B4GALNT3: variants seen among roughly 807,000 people sequenced by gnomAD.
B4GALNT3 encodes the protein beta-1,4-N-acetylgalactosaminyltransferase 3.
B4GALNT3 carries 86 observed loss-of-function variants against 120.2 expected under a neutral mutation model. The ratio of observed to expected loss-of-function variants is 0.72; its 90% CI spans 0.60 to 0.86. The LOEUF (loss-of-function observed/expected upper bound fraction) is 0.86, where lower values mean the gene tolerates loss of function less well. Among genes scored for constraint, B4GALNT3 ranks in the 40% least tolerant of loss-of-function variants. The pLI is 0.00. For synonymous variants in B4GALNT3, 518 were observed against 510.4 expected, an observed-to-expected ratio of 1.01 and a Z score of -0.20; for missense variants, 1,167 against 1,298.9, an observed-to-expected ratio of 0.90 and a Z score of 1.56.
intron 1 of B4GALNT3, among the ~76,000 whole-genome samples, chr12:515,845 A>G (rs1486504987): frequency 6.6e-6 from 1 of 152,090 alleles, no homozygotes; most frequent in Non-Finnish European, 1.5e-5. Context: ...GTAGACAAAA[A>G]TCCTGCTTTC....
chr12:529,665 A>G (rs910454470), intron 1 of B4GALNT3, among the ~76,000 whole-genome samples: 1 of 152,260 alleles, frequency 6.6e-6, no homozygotes, highest in Non-Finnish European at 1.5e-5. Flanking sequence ...AGTGCCTTGT[A>G]TATGATAAGC....
In B4GALNT3 at chr12:460,801, C is replaced by T. The variant is rs1946014226; in HGVS notation, c.169+256C>T. Among the ~76,000 whole-genome samples the T allele has an allele frequency of 6.6e-6, 1 of 152,066 alleles. No individual in the cohort carries two copies. Among genetic ancestry groups the T allele is most frequent in the Non-Finnish European group, 1.5e-5 (1 of 67,982 alleles). On this transcript the variant is annotated intron_variant, in intron 1 of 19. Transcript: ENST00000266383. The surrounding 1 kb of genome is among the most constrained non-coding windows in gnomAD (Gnocchi z 8.0). ...GGGGCACCCTGGGGGCTCCTCGCGT[C>T]TCCCCTCGGAGAGCGACCCGGAGAG...
At chr12:496,280 T>A (rs1946386586) in intron 1 of B4GALNT3, among the ~76,000 whole-genome samples, 1 of 152,088 alleles carries the variant, frequency 6.6e-6, no homozygotes, top group South Asian at 2.1e-4. Flanking sequence ...AAAAAAAAAA[T>A]TGAGCTGGAT....
chr12:539,612 T>C (rs1946895508), intron 3 of B4GALNT3, among the ~76,000 whole-genome samples: 1 of 151,972 alleles, frequency 6.6e-6, no homozygotes, highest in Non-Finnish European at 1.5e-5. Context: ...ATACACTTCG[T>C]TTAAAGTGTA....
intron 1 of B4GALNT3, among the ~76,000 whole-genome samples, chr12:461,172 C>A (rs1418937659): frequency 6.6e-6 from 1 of 152,014 alleles, no homozygotes; most frequent in Non-Finnish European, 1.5e-5. Context: ...CTCCTCGCTG[C>A]GCCCTCTTTC....
At chr12:521,536 G>C (rs1243008023) in intron 1 of B4GALNT3, among the ~76,000 whole-genome samples, 1 of 152,166 alleles carries the variant, frequency 6.6e-6, no homozygotes, top group East Asian at 1.9e-4. Context: ...GGAGAGGCAG[G>C]CCATGATGGT....
chr12:482,555 T>C (rs962794019), intron 1 of B4GALNT3, among the ~76,000 whole-genome samples: 20 of 152,220 alleles, frequency 1.3e-4, no homozygotes, highest in African/African-American at 4.6e-4. Context: ...ATTTGGAGGA[T>C]ACAATGATGA....
rs1209447139 is a variant in B4GALNT3 at position 548,321 on chromosome 12, T to G, written c.853+24T>G. On this transcript the variant is annotated intron_variant, in intron 9 of 19. Transcript: ENST00000266383. The surrounding 1 kb of genome is among the most constrained non-coding windows in gnomAD (Gnocchi z 4.9). Reference sequence around the variant, plus strand: ...AAGTGAGTAGGCTCTGGCCCTGCCCTGGAGATGGAGGCCAGGTGGGGACAG... The same window carrying G: ...AAGTGAGTAGGCTCTGGCCCTGCCCGGGAGATGGAGGCCAGGTGGGGACAG... 1 of 1,608,798 alleles carries G rather than the reference T, an allele frequency of 6.2e-7. No homozygotes were observed. Among genetic ancestry groups the G allele is most frequent in the Non-Finnish European group, 8.5e-7 (1 of 1,175,308 alleles).
At chr12:465,271 T>C (rs1946065648) in intron 1 of B4GALNT3, among the ~76,000 whole-genome samples, 1 of 152,180 alleles carries the variant, frequency 6.6e-6, no homozygotes, top group African/African-American at 2.4e-5. Flanking sequence ...CAGGCTACTA[T>C]GTGTGTCTTC....
chr12:475,202 T>C (rs1199396420), intron 1 of B4GALNT3, among the ~76,000 whole-genome samples: 1 of 152,216 alleles, frequency 6.6e-6, no homozygotes, highest in African/African-American at 2.4e-5. Context: ...GCTCGTCTCC[T>C]GTATATTTTG....
chr12:536,855 C>G (rs1946865909), intron 3 of B4GALNT3, among the ~76,000 whole-genome samples: 1 of 152,232 alleles, frequency 6.6e-6, no homozygotes, highest in Non-Finnish European at 1.5e-5. Context: ...ACAAGACTTT[C>G]ATGGCCATGC....
intron 1 of B4GALNT3, among the ~76,000 whole-genome samples, chr12:486,603 C>T (rs1395047132): frequency 6.6e-6 from 1 of 152,182 alleles, no homozygotes; most frequent in East Asian, 1.9e-4. Flanking sequence ...AAATACCCAA[C>T]ACCAGCCCCT....
chr12:512,292 T>C (rs1247051162), intron 1 of B4GALNT3, among the ~76,000 whole-genome samples: 1 of 95,080 alleles, frequency 1.1e-5, no homozygotes, highest in Non-Finnish European at 1.8e-5. Context: ...ACCTTCCACC[T>C]TCTTCCACCT....
At chr12:528,174 A>T (rs950241774) in intron 1 of B4GALNT3, among the ~76,000 whole-genome samples, 2 of 152,158 alleles carry the variant, frequency 1.3e-5, no homozygotes, top group African/African-American at 4.8e-5. Flanking sequence ...CAAGAATTTT[A>T]ACCTCTAAGC....
intron 1 of B4GALNT3, among the ~76,000 whole-genome samples, chr12:480,622 C>T (rs1946233231): frequency 6.6e-6 from 1 of 152,130 alleles, no homozygotes; most frequent in Non-Finnish European, 1.5e-5. Flanking sequence ...CTATTGGTGA[C>T]CTCGCCTTCT....
At chr12:526,607 CTG>C (rs1291115293) in intron 1 of B4GALNT3, among the ~76,000 whole-genome samples, 2 of 152,212 alleles carry the variant, frequency 1.3e-5, no homozygotes, top group African/African-American at 4.8e-5. Context: ...CTTCACAGGA[CTG>C]TGTTTGTCGC....
At chr12:462,188 C>A (rs926576438) in intron 1 of B4GALNT3, among the ~76,000 whole-genome samples, 4 of 152,086 alleles carry the variant, frequency 2.6e-5, no homozygotes, top group Non-Finnish European at 5.9e-5. Context: ...TGGATGAGCT[C>A]CTTTGGAGTG....
At chr12:502,145 T>A (rs1257303290) in intron 1 of B4GALNT3, among the ~76,000 whole-genome samples, 3 of 152,138 alleles carry the variant, frequency 2.0e-5, no homozygotes, top group Admixed American at 6.6e-5. Flanking sequence ...GAGGATTGAG[T>A]TGCCTTCCCA....
intron 1 of B4GALNT3, among the ~76,000 whole-genome samples, chr12:467,311 C>A (rs1946091454): frequency 6.6e-6 from 1 of 152,234 alleles, no homozygotes; most frequent in South Asian, 2.1e-4. Flanking sequence ...GTAATCCCAG[C>A]ACTTTGGGAG....
Sources: gnomAD v4.1 joint callset for allele counts (sites outside exome capture counted in the v4.1 genomes callset) on GRCh38, gnomAD v4.1.1 for gene constraint, Gnocchi (gnomAD v3.1) non-coding constraint, MANE v1.5 for transcripts, NCBI Gene and HGNC (gene_info 2026-07-23, HGNC 2026-07-21) for gene names.